Variants in ATXN7 observed in about 807,000 individuals in gnomAD.
ATXN7 encodes the protein ataxin 7, also known as ataxin-7.
In ATXN7, 12 loss-of-function variants were observed where a neutral mutation model predicts 70.5. That is an observed-to-expected ratio of 0.17 (90% CI 0.11 to 0.28). ATXN7 has a LOEUF of 0.28. ATXN7 is among the 10% of genes least tolerant of loss of function. ATXN7 has a pLI of 1.00. For synonymous variants in ATXN7, 498 were observed against 448.7 expected, an observed-to-expected ratio of 1.11 and a Z score of -1.39; for missense variants, 1,256 against 1,131.7, an observed-to-expected ratio of 1.11 and a Z score of -1.58.
At chr3:63,955,406 T>C (rs1486640389) in intron 5 of ATXN7, among the ~76,000 whole-genome samples, 2 of 151,934 alleles carry the variant, frequency 1.3e-5, no homozygotes, top group Admixed American at 6.6e-5. Context: ...TAGAGGTGGA[T>C]GGGGGTTTGG....
At chr3:63,909,645 T>C (rs1703947279) in intron 2 of ATXN7, among the ~76,000 whole-genome samples, 1 of 152,200 alleles carries the variant, frequency 6.6e-6, no homozygotes, top group Non-Finnish European at 1.5e-5. Context: ...GCTTGCTGTT[T>C]TGACTTTTTT....
chr3:63,977,585 G>A (rs1252927800), intron 5 of ATXN7, among the ~76,000 whole-genome samples: 1 of 152,114 alleles, frequency 6.6e-6, no homozygotes, highest in Non-Finnish European at 1.5e-5. Context: ...TGAACTTACT[G>A]TTTCACAGAT....
In ATXN7 at chr3:63,988,154, ATTG is replaced by A. The variant is rs778511703; in HGVS notation, c.1192_1194del (p.Leu398del). 6.2e-7 allele frequency: 1 copy of A among 1,614,122 alleles called. No individual in the cohort carries two copies. ...ACAAAAACAAAACCAGGGAAAAGGA[ATTG>A]ATTCGCCATCCGGACTCTCAGCAAC... On this transcript the variant is annotated inframe_deletion, in exon 9 of 13. Coordinates refer to ENST00000674280, the MANE Select transcript of ATXN7 (RefSeq NM_001377405.1).
At chr3:63,970,960 G>C (rs2075302911) in intron 5 of ATXN7, among the ~76,000 whole-genome samples, 1 of 152,190 alleles carries the variant, frequency 6.6e-6, no homozygotes, top group African/African-American at 2.4e-5. Flanking sequence ...GTGAAAAGTT[G>C]TTTCAAGTGG....
intron 4 of ATXN7, among the ~76,000 whole-genome samples, chr3:63,933,915 G>C (rs1025886418): frequency 2.0e-5 from 3 of 150,118 alleles, no homozygotes; most frequent in Non-Finnish European, 4.4e-5. Flanking sequence ...TCTCTTTTCT[G>C]TTGTTTTTTT....
At chr3:63,874,473 G>C (rs1324391966) in intron 1 of ATXN7, among the ~76,000 whole-genome samples, 2 of 152,218 alleles carry the variant, frequency 1.3e-5, no homozygotes, top group Non-Finnish European at 2.9e-5. Context: ...TGCATATACA[G>C]TGTGATTTTA....
In ATXN7 at chr3:63,904,602, T is replaced by A. The variant is rs189481846; in HGVS notation, c.-12+6105T>A. On this transcript the variant is annotated intron_variant, in intron 2 of 12. Transcript: ENST00000674280. ...CCACTGCACCTGGCAATAATATTCT[T>A]TGTAGAGATATATCACAATTTGTTT... 3 of 152,352 alleles carry A rather than the reference T, an allele frequency of 2.0e-5. No homozygotes were observed. In the East Asian group the frequency reaches 5.8e-4, roughly 29 times the overall value. 9.4% of individuals were successfully genotyped at this position (152,352 alleles called of 1,614,324 possible).
chr3:63,948,539 A>C (rs866331648), intron 4 of ATXN7, among the ~76,000 whole-genome samples: 3 of 152,166 alleles, frequency 2.0e-5, no homozygotes, highest in South Asian at 2.1e-4. Context: ...GGAGACACGC[A>C]GGGTACTGGG....
chr3:63,942,897 C>G (rs1049290476), intron 4 of ATXN7, among the ~76,000 whole-genome samples: 1 of 152,160 alleles, frequency 6.6e-6, no homozygotes, highest in African/African-American at 2.4e-5. Flanking sequence ...GGGTCATGCT[C>G]CTAATGAGTG....
At chr3:63,962,378 A>T (rs1282958600) in intron 5 of ATXN7, among the ~76,000 whole-genome samples, 1 of 151,668 alleles carries the variant, frequency 6.6e-6, no homozygotes, top group South Asian at 2.1e-4. Context: ...CTTATGCTTG[A>T]TATATTTATT....
At chr3:63,923,421 A>G (rs1409186355) in intron 4 of ATXN7, among the ~76,000 whole-genome samples, 2 of 152,204 alleles carry the variant, frequency 1.3e-5, no homozygotes, top group Admixed American at 1.3e-4. Flanking sequence ...AAGTAGGGTA[A>G]TGAGTTGGGG....
At chr3:63,911,126 T>C (rs935710658) in intron 2 of ATXN7, among the ~76,000 whole-genome samples, 14 of 152,200 alleles carry the variant, frequency 9.2e-5, no homozygotes, top group African/African-American at 3.4e-4. Context: ...GAGTTGATAC[T>C]ACTGCAGTGT....
At chr3:63,945,106 C>T (rs1428693804) in intron 4 of ATXN7, among the ~76,000 whole-genome samples, 1 of 152,136 alleles carries the variant, frequency 6.6e-6, no homozygotes, top group Non-Finnish European at 1.5e-5. Flanking sequence ...TTTTTGTTTT[C>T]TTGAGCTAAC....
chr3:63,985,335 G>T (rs1423974277), intron 8 of ATXN7, among the ~76,000 whole-genome samples: 1 of 152,074 alleles, frequency 6.6e-6, no homozygotes, highest in Non-Finnish European at 1.5e-5. Context: ...ACTCTCCGTG[G>T]CATTGGGCTA....
At chr3:63,876,294 G>C (rs879871229) in intron 1 of ATXN7, among the ~76,000 whole-genome samples, 3 of 152,112 alleles carry the variant, frequency 2.0e-5, no homozygotes, top group Non-Finnish European at 4.4e-5. Flanking sequence ...CTGGCTCATA[G>C]CTCCTCTTAG....
chr3:63,906,686 TTTGA>T (rs1178917498), intron 2 of ATXN7, among the ~76,000 whole-genome samples: 1 of 152,200 alleles, frequency 6.6e-6, no homozygotes, highest in Non-Finnish European at 1.5e-5. Flanking sequence ...GTGGAAGAAC[TTTGA>T]TTGAACAGCA....
chr3:63,975,010 A>T (rs1016855354), intron 5 of ATXN7, among the ~76,000 whole-genome samples: 2 of 152,208 alleles, frequency 1.3e-5, no homozygotes, highest in Non-Finnish European at 2.9e-5. Flanking sequence ...ATCTTCCCAC[A>T]TGGCTCATTT....
chr3:63,907,626 ATTT>A (rs547898744), intron 2 of ATXN7, among the ~76,000 whole-genome samples: 1 of 131,218 alleles, frequency 7.6e-6, no homozygotes, highest in African/African-American at 2.9e-5. Flanking sequence ...GCCTGGCTGT[ATTT>A]TTTTTTTTTT....
chr3:63,968,876 G>T (rs971027807), intron 5 of ATXN7, among the ~76,000 whole-genome samples: 1 of 152,096 alleles, frequency 6.6e-6, no homozygotes, highest in Non-Finnish European at 1.5e-5. Flanking sequence ...GAGCTTGACC[G>T]GAAGGTTTTA....
Sources: allele counts gnomAD v4.1 joint callset (sites outside exome capture counted in the v4.1 genomes callset), GRCh38; gene constraint gnomAD v4.1.1; transcripts MANE v1.5; gene names NCBI Gene and HGNC (gene_info 2026-07-23, HGNC 2026-07-21).